Variants in PPP1R12B observed in about 807,000 individuals in gnomAD.
The protein encoded by PPP1R12B is protein phosphatase 1 regulatory subunit 12B.
A neutral mutation model predicts 126.1 loss-of-function variants in PPP1R12B; 76 were observed. The ratio of observed to expected loss-of-function variants is 0.60; its 90% CI spans 0.50 to 0.73. The LOEUF is 0.73. Among genes scored for constraint, PPP1R12B ranks in the 30% least tolerant of loss-of-function variants. PPP1R12B has a pLI of 0.00. For missense variants in PPP1R12B, 1,052 were observed against 1,205.1 expected (o/e 0.87, Z 1.88); for synonymous variants, 356 against 434.7 (o/e 0.82, Z 2.25).
chr1:202,488,912 G>A (rs1678502338), intron 14 of PPP1R12B, among the ~76,000 whole-genome samples: 1 of 152,258 alleles, frequency 6.6e-6, no homozygotes, highest in South Asian at 2.1e-4. Context: ...GCATGGTGGT[G>A]CATGCCTGTA....
chr1:202,485,555 T>C (rs928046490), intron 13 of PPP1R12B, among the ~76,000 whole-genome samples: 4 of 152,100 alleles, frequency 2.6e-5, no homozygotes, highest in Admixed American at 2.0e-4. Context: ...GTGGTAGCAA[T>C]GGGGATCACT....
intron 7 of PPP1R12B, 132 bp from the exon 8 acceptor site, chr1:202,431,348 A>G (rs954019768): frequency 8.5e-6 from 6 of 705,438 alleles, no homozygotes; most frequent in Non-Finnish European, 1.1e-5. Flanking sequence ...GGTTTGGAAG[A>G]ACACACAGAT....
chr1:202,390,999 C>T (rs1294237294), intron 1 of PPP1R12B, among the ~76,000 whole-genome samples: 1 of 152,110 alleles, frequency 6.6e-6, no homozygotes, highest in African/African-American at 2.4e-5. Context: ...GGAAGCATCG[C>T]TTGCAGTGAG....
At position 202,493,268 on chromosome 1, in the gene PPP1R12B, C is replaced by T. The variant is rs1679127592; in HGVS notation, c.2096C>T (p.Thr699Ile). 6.2e-7 allele frequency: 1 copy of T among 1,612,714 alleles called. No individual in the cohort carries two copies. The highest frequency in any genetic ancestry group is 8.5e-7 in the Non-Finnish European group (1 of 1,179,852). The change falls in exon 15 of 24, where the codon ACA becomes ATA. Residue 699 changes from threonine (T) to isoleucine (I), a missense_variant. Physicochemically the swap from Thr to Ile is moderately conservative, Grantham distance 89. Transcript: ENST00000608999. The stretch of plus-strand genomic sequence containing the variant: ...CATGAGCCCTCAGCAGTTCCAGCAA[C>T]AGAAGCTGGGGAGGGCCAGCAGCCC... Reference protein sequence around the residue: ...EKHEPSAVPATEAGEGQQPWG... With the variant: ...EKHEPSAVPAIEAGEGQQPWG...
In PPP1R12B at chr1:202,487,177, A is replaced by G. The variant is rs1238365001; in HGVS notation, c.1851-1356A>G. 4.6e-5 allele frequency among the ~76,000 whole-genome samples: 7 copies of G among 152,268 alleles called. No homozygotes were observed. The South Asian group carries it at 1.2e-3, about 27-fold the overall frequency. On this transcript the variant is annotated intron_variant, in intron 13 of 23. Transcript: ENST00000608999. ...GTAATTCACCTTCCTGACAGAAAAAAGGAGAAAAGCAATCATCTCAATATA... is the reference window on the plus strand; with the variant it reads ...GTAATTCACCTTCCTGACAGAAAAAGGGAGAAAAGCAATCATCTCAATATA...
chr1:202,558,698 C>T (rs1306615241), intron 18 of PPP1R12B, 179 bp from the exon 19 acceptor site: 3 of 541,818 alleles, frequency 5.5e-6, no homozygotes, highest in African/African-American at 2.0e-5. Context: ...GCTAAGTCAC[C>T]TTTGTGTAGT....
chr1:202,419,648 G>C lies in PPP1R12B; in HGVS notation c.422+2731G>C, dbSNP rs1278721424. 6.6e-6 allele frequency among the ~76,000 whole-genome samples: 1 copy of C among 152,158 alleles called. No individual in the cohort carries two copies. Among genetic ancestry groups the C allele is most frequent in the Non-Finnish European group, 1.5e-5 (1 of 68,034 alleles). On this transcript the variant is annotated intron_variant, in intron 2 of 23. Coordinates refer to ENST00000608999, the MANE Select transcript of PPP1R12B (RefSeq NM_002481.4). This position sits in a 1 kb window ranked among gnomAD's most constrained non-coding sequence, Gnocchi z 4.6. Reference sequence around the variant, plus strand: ...CATTATGCCTGATCCAGTAGGGATGGAATAGATGTCAGAGTAGAGTGGTTA... The same window carrying C: ...CATTATGCCTGATCCAGTAGGGATGCAATAGATGTCAGAGTAGAGTGGTTA...
chr1:202,456,751 A>G (rs1673695513), intron 13 of PPP1R12B, among the ~76,000 whole-genome samples: 5 of 152,208 alleles, frequency 3.3e-5, no homozygotes, highest in Admixed American at 3.3e-4. Context: ...AGAAATCCCA[A>G]AAGTCAAGGA....
chr1:202,507,566 G>A (rs1558313318), intron 18 of PPP1R12B, among the ~76,000 whole-genome samples: 1 of 152,040 alleles, frequency 6.6e-6, no homozygotes, highest in Non-Finnish European at 1.5e-5. Flanking sequence ...ATTTCCTGCT[G>A]GTATTTTTCC....
chr1:202,359,920 G>GTA (rs1657862050), intron 1 of PPP1R12B, among the ~76,000 whole-genome samples: 1 of 152,184 alleles, frequency 6.6e-6, no homozygotes, highest in African/African-American at 2.4e-5. Flanking sequence ...AGGTGTGTGT[G>GTA]TGTGTGTTTT....
At chr1:202,527,218 C>T (rs989223800) in intron 18 of PPP1R12B, 8 of 152,170 alleles carry the variant, frequency 5.3e-5, no homozygotes, top group African/African-American at 1.4e-4. Context: ...TGTTCTAGGA[C>T]TTCTCAAAGG....
intron 18 of PPP1R12B, among the ~76,000 whole-genome samples, chr1:202,520,883 A>G (rs1221247427): frequency 6.6e-6 from 1 of 152,204 alleles, no homozygotes; most frequent in African/African-American, 2.4e-5. Context: ...AGTAATAGAA[A>G]AGCCACTATG....
intron 17 of PPP1R12B, among the ~76,000 whole-genome samples, chr1:202,495,989 G>A (rs1383431148): frequency 6.6e-6 from 1 of 152,112 alleles, no homozygotes; most frequent in East Asian, 1.9e-4. Context: ...TAAGCTTGTC[G>A]AGTTTTAGTA....
chr1:202,384,012 AC>A (rs1464602237), intron 1 of PPP1R12B, among the ~76,000 whole-genome samples: 2 of 152,208 alleles, frequency 1.3e-5, no homozygotes, highest in Non-Finnish European at 2.9e-5. Context: ...ATTACTTCAC[AC>A]CCACTAGGAT....
chr1:202,438,083 C>T, intron 10 of PPP1R12B, 59 bp downstream of exon 10: 1 of 1,602,820 alleles, frequency 6.2e-7, no homozygotes, highest in South Asian at 1.1e-5. Flanking sequence ...CATGAAAATT[C>T]AATCTTAGGA....
chr1:202,446,303 G>T (rs1672286222), intron 12 of PPP1R12B, among the ~76,000 whole-genome samples: 1 of 133,032 alleles, frequency 7.5e-6, no homozygotes, highest in Non-Finnish European at 1.5e-5. Flanking sequence ...ACCCAGGCTG[G>T]AGTGCAGTGG....
At chr1:202,349,478 A>T (rs1158343089) in intron 1 of PPP1R12B, among the ~76,000 whole-genome samples, 1 of 152,180 alleles carries the variant, frequency 6.6e-6, no homozygotes, top group East Asian at 1.9e-4. Flanking sequence ...GTGCCTGCAC[A>T]CCGCGTCACT....
chr1:202,576,768 G>C (rs1352051862), intron 23 of PPP1R12B: 1 of 151,848 alleles, frequency 6.6e-6, no homozygotes, highest in East Asian at 1.9e-4. Flanking sequence ...TAAGGCCTGT[G>C]CTGAATGCTT....
chr1:202,408,613 T>C (rs1666952372), intron 1 of PPP1R12B, among the ~76,000 whole-genome samples: 1 of 152,090 alleles, frequency 6.6e-6, no homozygotes, highest in African/African-American at 2.4e-5. Flanking sequence ...TATTCAATCA[T>C]TCTCCCACAG....
Sources: allele counts gnomAD v4.1 joint callset (sites outside exome capture counted in the v4.1 genomes callset), GRCh38; gene constraint gnomAD v4.1.1; non-coding constraint Gnocchi (gnomAD v3.1); transcripts MANE v1.5; gene names NCBI Gene and HGNC (gene_info 2026-07-23, HGNC 2026-07-21).